UBTD2: variants seen among roughly 807,000 people sequenced by gnomAD.
UBTD2 encodes the protein ubiquitin domain containing 2.
Under a neutral mutation model 19.8 loss-of-function variants are expected in UBTD2, and 9 were observed. The ratio of observed to expected loss-of-function variants is 0.46; its 90% CI spans 0.27 to 0.79. The LOEUF (loss-of-function observed/expected upper bound fraction) is 0.79. UBTD2 is among the 30% of genes least tolerant of loss of function. The probability of loss-of-function intolerance (pLI) is 0.14; values close to 1 mark genes in which losing one functional copy is unlikely to be tolerated. For synonymous variants in UBTD2, 98 were observed against 103.9 expected (o/e 0.94, Z 0.35); for missense variants, 250 against 300.4 (o/e 0.83, Z 1.24).
intron 1 of UBTD2, among the ~76,000 whole-genome samples, chr5:172,257,905 A>T (rs1016572453): frequency 1.8e-4 from 27 of 152,160 alleles, no homozygotes; most frequent in Non-Finnish European, 3.8e-4. Context: ...TCAGGGTTTT[A>T]GACCTTTGTT....
rs180874283 is a variant in UBTD2 at position 172,280,706 on chromosome 5, G to A, written c.70+2890C>T. On this transcript the variant is annotated intron_variant, in intron 1 of 2. Transcript: ENST00000393792. ...TTATTTGAAAAAAGCCTAAGTAGCT[G>A]GAGCTCAAGAACTAAATTCTAGGCA... Among the ~76,000 whole-genome samples the A allele has an allele frequency of 1.7e-3, 265 of 152,152 alleles. 2 individuals carry two copies. Among genetic ancestry groups the A allele is most frequent in the Non-Finnish European group, 3.4e-3 (229 of 67,992 alleles).
rs568686387 is a variant in UBTD2, at chr5:172,283,674, C to G, written c.-9G>C. ...CCCACACACCCGCCCATGGGGGCCCCCGGCGCCTCGTCCGCCACCTCCGGA... is the reference window on the plus strand; with the variant it reads ...CCCACACACCCGCCCATGGGGGCCCGCGGCGCCTCGTCCGCCACCTCCGGA... On this transcript the variant is annotated 5_prime_UTR_variant, in exon 1 of 3. Transcript: ENST00000393792. This position sits in a 1 kb window ranked among gnomAD's most constrained non-coding sequence, Gnocchi z 4.3. The G allele has an allele frequency of 1.4e-5, 17 of 1,235,656 alleles. No individual in the cohort carries two copies. In the East Asian group the frequency reaches 5.1e-4, roughly 37 times the overall value. 76.5% of individuals were successfully genotyped at this position (1,235,656 alleles called of 1,614,324 possible).
chr5:172,263,731 T>G (rs1375382038), intron 1 of UBTD2, among the ~76,000 whole-genome samples: 1 of 151,930 alleles, frequency 6.6e-6, no homozygotes, highest in Middle Eastern at 3.2e-3. Context: ...GAGGTGGAGC[T>G]TCAGTGAGCC....
At chr5:172,257,047 G>A (rs543836193) in intron 1 of UBTD2, among the ~76,000 whole-genome samples, 1 of 152,102 alleles carries the variant, frequency 6.6e-6, no homozygotes, top group Non-Finnish European at 1.5e-5. Flanking sequence ...TGGGTAAATT[G>A]AATGTCACTG....
chr5:172,249,930 T>C (rs1754959795), intron 1 of UBTD2, among the ~76,000 whole-genome samples: 1 of 152,326 alleles, frequency 6.6e-6, no homozygotes, highest in Non-Finnish European at 1.5e-5. Context: ...AAAACCTACA[T>C]GTAATGTCAT....
At chr5:172,265,238 A>G (rs1380007080) in intron 1 of UBTD2, among the ~76,000 whole-genome samples, 2 of 152,242 alleles carry the variant, frequency 1.3e-5, no homozygotes, top group Non-Finnish European at 2.9e-5. Flanking sequence ...TACCATGAAG[A>G]GTCTCTCTAA....
In UBTD2 at chr5:172,211,695, G is replaced by A; in HGVS notation, c.*135C>T. On this transcript the variant is annotated 3_prime_UTR_variant, in exon 3 of 3. Transcript: ENST00000393792. ...CCATCACAGATGGAATTTTTCACTG[G>A]TAATTCCTCAGAACTAAATCCATTC... is the stretch of plus-strand genomic sequence containing the variant. The A allele has an allele frequency of 1.0e-6, 1 of 956,018 alleles. No homozygotes were observed. Among genetic ancestry groups the A allele is most frequent in the Non-Finnish European group, 1.4e-6 (1 of 702,406 alleles). 59.2% of individuals were successfully genotyped at this position (956,018 alleles called of 1,614,324 possible). A position where few individuals can be genotyped will look rare whatever the true frequency, so the allele number is the denominator to read the frequency against.
chr5:172,243,077 C>T (rs1772162966), intron 1 of UBTD2, among the ~76,000 whole-genome samples: 1 of 151,398 alleles, frequency 6.6e-6, no homozygotes, highest in East Asian at 1.9e-4. Flanking sequence ...AGCCTCCTGC[C>T]TCAGCCTCCC....
At chr5:172,213,742 A>C (rs1443975643) in intron 2 of UBTD2, among the ~76,000 whole-genome samples, 2 of 152,152 alleles carry the variant, frequency 1.3e-5, no homozygotes, top group Non-Finnish European at 2.9e-5. Flanking sequence ...ACTACATTAC[A>C]GTTACCAGGA....
intron 2 of UBTD2, among the ~76,000 whole-genome samples, chr5:172,228,708 T>A (rs1771827955): frequency 1.3e-5 from 2 of 151,610 alleles, no homozygotes; most frequent in Non-Finnish European, 1.5e-5. Flanking sequence ...GTGACAGAGC[T>A]AGACTCCGTC....
At chr5:172,244,458 G>C (rs1014958927) in intron 1 of UBTD2, among the ~76,000 whole-genome samples, 1 of 151,600 alleles carries the variant, frequency 6.6e-6, no homozygotes, top group Admixed American at 6.6e-5. Context: ...CACCACGCCC[G>C]GCTAATTTTT....
At chr5:172,278,020 A>G (rs1252241568) in intron 1 of UBTD2, among the ~76,000 whole-genome samples, 2 of 152,212 alleles carry the variant, frequency 1.3e-5, no homozygotes, top group African/African-American at 2.4e-5. Flanking sequence ...AATTTAAAAA[A>G]TGGAATATAA....
intron 2 of UBTD2, among the ~76,000 whole-genome samples, chr5:172,218,775 C>CAAAAAAAA (rs1196929218): frequency 6.0e-5 from 3 of 50,350 alleles, no homozygotes; most frequent in African/African-American, 7.1e-5. Flanking sequence ...ACCCTGTCAC[C>CAAAAAAAA]AAAAAAAAAA....
intron 1 of UBTD2, among the ~76,000 whole-genome samples, chr5:172,264,968 G>A (rs375541082): frequency 9.7e-4 from 147 of 152,324 alleles, no homozygotes; most frequent in Non-Finnish European, 1.6e-3. Context: ...ACAGTACTCA[G>A]TATAGGCTGC....
At chr5:172,214,364 G>A (rs1180535650) in intron 2 of UBTD2, among the ~76,000 whole-genome samples, 1 of 152,196 alleles carries the variant, frequency 6.6e-6, no homozygotes, top group Admixed American at 6.5e-5. Context: ...CATAAGATGG[G>A]CTGGGGTGAT....
chr5:172,268,987 CTTTACT>C (rs964680480), intron 1 of UBTD2, among the ~76,000 whole-genome samples: 6 of 152,106 alleles, frequency 3.9e-5, no homozygotes, highest in African/African-American at 1.4e-4. Flanking sequence ...AGGAGAACAG[CTTTACT>C]TTTAAGAGAT....
chr5:172,278,456 T>C (rs1755649998), intron 1 of UBTD2, among the ~76,000 whole-genome samples: 1 of 150,660 alleles, frequency 6.6e-6, no homozygotes. Flanking sequence ...GAGGTAGAGG[T>C]TGCAGCGAGC....
At chr5:172,223,618 G>T (rs1410710590) in intron 2 of UBTD2, among the ~76,000 whole-genome samples, 2 of 69,762 alleles carry the variant, frequency 2.9e-5, no homozygotes, top group South Asian at 4.2e-4. Flanking sequence ...AAAAAAAAAA[G>T]CACACTTAGG....
chr5:172,277,140 T>C (rs1488084309), intron 1 of UBTD2, among the ~76,000 whole-genome samples: 2 of 151,790 alleles, frequency 1.3e-5, no homozygotes, highest in African/African-American at 4.9e-5. Context: ...TGAATTACTT[T>C]TGTCAACTTT....
Sources: gnomAD v4.1 joint callset for allele counts (sites outside exome capture counted in the v4.1 genomes callset) on GRCh38, gnomAD v4.1.1 for gene constraint, Gnocchi (gnomAD v3.1) non-coding constraint, MANE v1.5 for transcripts, NCBI Gene and HGNC (gene_info 2026-07-23, HGNC 2026-07-21) for gene names.